The following LHX9 variants were observed in gnomAD, a reference collection of about 807,000 sequenced individuals.
LHX9 encodes LIM/homeobox protein Lhx9.
LHX9 carries 9 observed loss-of-function variants against 36.5 expected under a neutral mutation model. The observed-to-expected ratio is 0.25, with a 90% CI of 0.15 to 0.43. LHX9 has a LOEUF of 0.43. Among genes scored for constraint, LHX9 ranks in the 20% least tolerant of loss-of-function variants. The pLI, the probability that LHX9 is intolerant of heterozygous loss-of-function variation, is 1.00. For synonymous variants in LHX9, 211 were observed against 212.1 expected, an observed-to-expected ratio of 0.99 and a Z score of 0.04; for missense variants, 464 against 526.4, an observed-to-expected ratio of 0.88 and a Z score of 1.16.
chr1:197,928,520 GA>G (rs1365063643), intron 4 of LHX9, among the ~76,000 whole-genome samples: 1 of 152,134 alleles, frequency 6.6e-6, no homozygotes, highest in Admixed American at 6.5e-5. Flanking sequence ...TTTTCTATGT[GA>G]AGAATATATA....
At chr1:197,919,477 A>T (rs1659897602) in intron 1 of LHX9, among the ~76,000 whole-genome samples, 1 of 152,222 alleles carries the variant, frequency 6.6e-6, no homozygotes, top group African/African-American at 2.4e-5. Flanking sequence ...GAGGTCCAAT[A>T]ATCTCCCCTT....
rs1281754767 is a variant in LHX9 at position 197,925,063 on chromosome 1, TATGAG to T, written c.734-2525_734-2521del. Among the ~76,000 whole-genome samples the T allele has an allele frequency of 2.5e-4, 28 of 111,516 alleles. 11 individuals are homozygous for T. The highest frequency in any genetic ancestry group is 2.2e-4 in the Admixed American group (2 of 9,032). The allele number at this position is 111,516 out of a possible 152,430, so 73.2% of individuals were successfully genotyped here. A position where few individuals can be genotyped will look rare whatever the true frequency, so the allele number is the denominator to read the frequency against. On this transcript the variant is annotated intron_variant, in intron 3 of 4. Transcript: ENST00000367387. The stretch of plus-strand genomic sequence containing the variant: ...TAGCTTTCTCTATTAAGTTGCATAA[TATGAG>T]ATAACAGTCACAGGAAAATCATATA...
Position 197,933,706 on chromosome 1 carries a change from A to G in LHX9, c.*4447A>G, listed in dbSNP as rs1355359594. On this transcript the variant is annotated 3_prime_UTR_variant, in exon 5 of 5. Coordinates refer to ENST00000367387, the MANE Select transcript of LHX9 (RefSeq NM_020204.3). Reference sequence around the variant, plus strand: ...AACTGAAATTAGACATCTGAAAAAAAAATACAAATTTGAAACAGGCACATT... The same window carrying G: ...AACTGAAATTAGACATCTGAAAAAAGAATACAAATTTGAAACAGGCACATT... 6.6e-6 allele frequency: 1 copy of G among 151,566 alleles called. No individual in the cohort carries two copies. The highest frequency in any genetic ancestry group is 1.5e-5 in the Non-Finnish European group (1 of 67,954). The allele number at this position is 151,566 out of a possible 1,614,324, so 9.4% of individuals were successfully genotyped here. A position where few individuals can be genotyped will look rare whatever the true frequency, so the allele number is the denominator to read the frequency against.
intron 3 of LHX9, among the ~76,000 whole-genome samples, chr1:197,927,039 C>T (rs1348143325): frequency 6.6e-6 from 1 of 152,138 alleles, no homozygotes; most frequent in Non-Finnish European, 1.5e-5. Flanking sequence ...AAAGGCTAAC[C>T]CTTAGAATTG....
At chr1:197,918,289 C>T in intron 1 of LHX9, 2 of 717,526 alleles carry the variant, frequency 2.8e-6, no homozygotes, top group Middle Eastern at 4.6e-4. Flanking sequence ...TTCTACAGAC[C>T]TCAAGGTTCC....
At position 197,932,694 on chromosome 1, in the gene LHX9, CAGCAT is replaced by C. The variant is rs1408517181; in HGVS notation, c.*3438_*3442del. 2.0e-5 allele frequency: 3 copies of C among 152,020 alleles called. No individual in the cohort carries two copies. In the East Asian group the frequency reaches 5.8e-4, roughly 29 times the overall value. The allele number at this position is 152,020 out of a possible 1,614,324, so 9.4% of individuals were successfully genotyped here. On this transcript the variant is annotated 3_prime_UTR_variant, in exon 5 of 5. Transcript: ENST00000367387. ...TGTTATACTAATGAAAAAATACAAA[CAGCAT>C]AGTGAGATTAAATTCTGGTAATCTA...
At position 197,932,655 on chromosome 1, in the gene LHX9, G is replaced by A. The variant is rs1305325200; in HGVS notation, c.*3396G>A. ...TTTGAACACTTAAAGAGGCAGCACA[G>A]TACATTTACAACTTGTTATACTAAT... On this transcript the variant is annotated 3_prime_UTR_variant, in exon 5 of 5. Transcript: ENST00000367387. The A allele has an allele frequency of 6.6e-6, 1 of 152,054 alleles. No individual in the cohort carries two copies. The highest frequency in any genetic ancestry group is 1.9e-4 in the East Asian group (1 of 5,202). 9.4% of individuals were successfully genotyped at this position (152,054 alleles called of 1,614,324 possible). A position where few individuals can be genotyped will look rare whatever the true frequency, so the allele number is the denominator to read the frequency against.
Position 197,929,265 on chromosome 1 carries a change from G to GTTT in LHX9, c.*16_*18dup, listed in dbSNP as rs111260868. 6 of 1,080,466 alleles carry GTTT rather than the reference G, an allele frequency of 5.6e-6. No homozygotes were observed. Among genetic ancestry groups the GTTT allele is most frequent in the South Asian group, 5.9e-5 (2 of 34,162 alleles). 66.9% of individuals were successfully genotyped at this position (1,080,466 alleles called of 1,614,324 possible). ...CCTTAACAAACCTTTTCTAACATTG[G>GTTT]TTTTTTTTTTTTAGTTTTTAAATTC... On this transcript the variant is annotated 3_prime_UTR_variant, in exon 5 of 5. Coordinates refer to ENST00000367387, the MANE Select transcript of LHX9 (RefSeq NM_020204.3).
At chr1:197,917,152 T>C (rs867302836), upstream of LHX9, 4 of 755,796 alleles carry the variant, frequency 5.3e-6, no homozygotes, top group African/African-American at 7.8e-5. Flanking sequence ...TGTGGGGAGG[T>C]AAATGCCCCC....
upstream of LHX9, chr1:197,912,506 C>A (rs773383521): frequency 8.7e-6 from 14 of 1,613,924 alleles, no homozygotes; most frequent in African/African-American, 1.2e-4. Context: ...ACCATTACGG[C>A]GTGATCCACT....
In LHX9 at chr1:197,920,140, G is replaced by A; in HGVS notation, c.343G>A (p.Asp115Asn). The A allele has an allele frequency of 1.2e-6, 2 of 1,614,236 alleles. No individual in the cohort carries two copies. The highest frequency in any genetic ancestry group is 8.5e-7 in the Non-Finnish European group (1 of 1,180,036). ...GTCCGAGCTCACCTGCTTTGCCAAG[G>A]ACGGTAGCATTTACTGCAAGGAGGA... ...LESELTCFAKDGSIYCKEDYY... is the reference protein window; with the variant it reads ...LESELTCFAKNGSIYCKEDYY... Residue 115 changes from aspartate (D) to asparagine (N), a missense_variant, in exon 2 of 5, where the codon GAC becomes AAC. Around this residue, in one of 5 missense-constraint regions of LHX9, gnomAD observed 93 missense variants for 150.3 expected, o/e 0.62. Transcript: ENST00000367387.
At chr1:197,913,750 C>T (rs1372985415), upstream of LHX9, among the ~76,000 whole-genome samples, 2 of 152,188 alleles carry the variant, frequency 1.3e-5, no homozygotes, top group African/African-American at 4.8e-5. Flanking sequence ...ACCGAAGGGG[C>T]TCCTTAACCA....
Position 197,931,287 on chromosome 1 carries a change from T to G in LHX9, c.*2028T>G, listed in dbSNP as rs1184866610. ...TGTGCACTCTTTCAAATATAGTTGA[T>G]AAATTCAATAATCTTATATATTGAG... On this transcript the variant is annotated 3_prime_UTR_variant, in exon 5 of 5. Transcript: ENST00000367387. 2.0e-5 allele frequency: 3 copies of G among 152,070 alleles called. No individual in the cohort carries two copies. The highest frequency in any genetic ancestry group is 4.4e-5 in the Non-Finnish European group (3 of 67,884). 9.4% of individuals were successfully genotyped at this position (152,070 alleles called of 1,614,324 possible). A position where few individuals can be genotyped will look rare whatever the true frequency, so the allele number is the denominator to read the frequency against.
upstream of LHX9, chr1:197,917,357 A>C: frequency 7.8e-7 from 1 of 1,284,654 alleles, no homozygotes. Context: ...AATTGGACAC[A>C]GCTCAGGCAG....
Position 197,924,316 on chromosome 1 carries a change from C to T in LHX9, c.733+2657C>T, listed in dbSNP as rs573328487. Among the ~76,000 whole-genome samples, 6 of 152,260 alleles carry T rather than the reference C, an allele frequency of 3.9e-5. No individual in the cohort carries two copies. The South Asian group carries it at 1.2e-3, about 32-fold the overall frequency. Reference sequence around the variant, plus strand: ...TTGATACTAAACTAAGTATAATTTACACAATATGTTTTCAAAATGTGCAGA... The same window carrying T: ...TTGATACTAAACTAAGTATAATTTATACAATATGTTTTCAAAATGTGCAGA... On this transcript the variant is annotated intron_variant, in intron 3 of 4. Coordinates refer to ENST00000367387, the MANE Select transcript of LHX9 (RefSeq NM_020204.3).
At chr1:197,915,169 C>T (rs188992908), upstream of LHX9, among the ~76,000 whole-genome samples, 231 of 152,302 alleles carry the variant, frequency 1.5e-3, no homozygotes, top group Admixed American at 4.1e-3. Context: ...TTCAAACACC[C>T]CCATTTGGGG....
rs919169907 is a variant in LHX9, at chr1:197,932,815, A to G, written c.*3556A>G. 6.6e-6 allele frequency: 1 copy of G among 152,122 alleles called. No individual in the cohort carries two copies. The highest frequency in any genetic ancestry group is 1.5e-5 in the Non-Finnish European group (1 of 67,940). The allele number at this position is 152,122 out of a possible 1,614,324, so 9.4% of individuals were successfully genotyped here. A position where few individuals can be genotyped will look rare whatever the true frequency, so the allele number is the denominator to read the frequency against. ...CACATGTATTAAAAATAAAAAACAA[A>G]GTGAACCCAAATTACAACAAAATAA... On this transcript the variant is annotated 3_prime_UTR_variant, in exon 5 of 5. Transcript: ENST00000367387.
intron 1 of LHX9, among the ~76,000 whole-genome samples, chr1:197,919,053 T>TG (rs1659883290): frequency 6.6e-6 from 1 of 152,216 alleles, no homozygotes; most frequent in South Asian, 2.1e-4. Context: ...TGAAGTTTCG[T>TG]GGGGAAGATC....
In LHX9 at chr1:197,934,077, T is replaced by C. The variant is rs1243323334; in HGVS notation, c.*4818T>C. The C allele has an allele frequency of 6.6e-6, 1 of 152,174 alleles. No homozygotes were observed. Among genetic ancestry groups the C allele is most frequent in the African/African-American group, 2.4e-5 (1 of 41,442 alleles). The allele number at this position is 152,174 out of a possible 1,614,324, so 9.4% of individuals were successfully genotyped here. On this transcript the variant is annotated 3_prime_UTR_variant, in exon 5 of 5. Transcript: ENST00000367387. Reference sequence around the variant, plus strand: ...GCCACCTTAATACTGACTTACATAGTGGGTAGGTTTTTGATACCTCAAATA... The same window carrying C: ...GCCACCTTAATACTGACTTACATAGCGGGTAGGTTTTTGATACCTCAAATA...
Sources: gnomAD v4.1 joint callset for allele counts (sites outside exome capture counted in the v4.1 genomes callset) on GRCh38, gnomAD v4.1.1 for gene constraint, gnomAD v4.1.1 regional missense constraint, MANE v1.5 for transcripts, NCBI Gene and HGNC (gene_info 2026-07-23, HGNC 2026-07-21) for gene names.